The following TCF20 variants were observed in gnomAD, a reference collection of about 807,000 sequenced individuals.
TCF20 encodes transcription factor 20, also known as SPRE-binding protein.
TCF20 carries 3 observed loss-of-function variants against 148.6 expected under a neutral mutation model. The observed-to-expected ratio is 0.02, with a 90% CI of 0.01 to 0.05. TCF20 has a LOEUF of 0.05. TCF20 is among the 10% of genes least tolerant of loss of function. The pLI is 1.00. For missense variants in TCF20, 2,350 were observed against 2,429.3 expected (o/e 0.97, Z 0.69); for synonymous variants, 1,049 against 909.5 (o/e 1.15, Z -2.76).
chr22:42,240,642 G>A (rs1341114501), intron 1 of TCF20, among the ~76,000 whole-genome samples: 1 of 152,144 alleles, frequency 6.6e-6, no homozygotes, highest in Non-Finnish European at 1.5e-5. Context: ...TTTGCCAGTG[G>A]AGGCCCAGAA....
intron 1 of TCF20, among the ~76,000 whole-genome samples, chr22:42,268,227 T>C (rs987404283): frequency 6.6e-6 from 1 of 152,190 alleles, no homozygotes; most frequent in Non-Finnish European, 1.5e-5. Context: ...GAAAGACATA[T>C]TGTAACATAT....
intron 1 of TCF20, among the ~76,000 whole-genome samples, chr22:42,283,796 A>G (rs1926967040): frequency 1.3e-5 from 2 of 151,776 alleles, no homozygotes; most frequent in African/African-American, 2.4e-5. Context: ...AACTTTCACG[A>G]CCGCGGGAGA....
chr22:42,337,369 T>G (rs1020822429), intron 1 of TCF20, among the ~76,000 whole-genome samples: 3 of 152,038 alleles, frequency 2.0e-5, no homozygotes, highest in African/African-American at 7.2e-5. Flanking sequence ...TGCTCACCCT[T>G]GCATTCACAG....
intron 1 of TCF20, among the ~76,000 whole-genome samples, chr22:42,268,305 ATACT>A (rs1261661791): frequency 2.6e-5 from 4 of 152,250 alleles, no homozygotes; most frequent in African/African-American, 4.8e-5. Context: ...TGGTATAGAA[ATACT>A]TACCAGTCAA....
chr22:42,223,429 T>C (rs1922565185), intron 1 of TCF20, among the ~76,000 whole-genome samples: 1 of 152,184 alleles, frequency 6.6e-6, no homozygotes, highest in African/African-American at 2.4e-5. Context: ...TGACACACAC[T>C]TGGGTCAGAT....
At chr22:42,198,482 A>G (rs371159437) in intron 2 of TCF20, among the ~76,000 whole-genome samples, 1 of 152,334 alleles carries the variant, frequency 6.6e-6, no homozygotes, top group African/African-American at 2.4e-5. Flanking sequence ...TATATAAAAT[A>G]GCACAGTATT....
chr22:42,177,011 C>T (rs1483301299), intron 3 of TCF20, among the ~76,000 whole-genome samples: 1 of 152,186 alleles, frequency 6.6e-6, no homozygotes, highest in Non-Finnish European at 1.5e-5. Flanking sequence ...GTTCCCAACA[C>T]AGACATGTTG....
chr22:42,262,386 A>T (rs555734340), intron 1 of TCF20, among the ~76,000 whole-genome samples: 2 of 152,260 alleles, frequency 1.3e-5, no homozygotes, highest in Non-Finnish European at 2.9e-5. Context: ...GTGAGAGAAA[A>T]GGAGGAATCT....
chr22:42,313,626 GTC>G (rs1927576553), intron 1 of TCF20, among the ~76,000 whole-genome samples: 1 of 133,012 alleles, frequency 7.5e-6, no homozygotes, highest in Non-Finnish European at 1.5e-5. Context: ...TTGAGACAGA[GTC>G]TCGCTTTGTC....
chr22:42,297,786 G>A lies in TCF20; in HGVS notation c.-37+45693C>T, dbSNP rs1927262673. Reference sequence around the variant, plus strand: ...TCGGGTCGCATCCCCCCACCAGCTGGGGCCCCTGTCAGGCAGGGCCCAGCA... The same window carrying A: ...TCGGGTCGCATCCCCCCACCAGCTGAGGCCCCTGTCAGGCAGGGCCCAGCA... On this transcript the variant is annotated intron_variant, in intron 1 of 1. Transcript: ENST00000515426. The surrounding 1 kb of genome is among the most constrained non-coding windows in gnomAD (Gnocchi z 4.3). 1.3e-5 allele frequency among the ~76,000 whole-genome samples: 2 copies of A among 152,124 alleles called. No homozygotes were observed. Among genetic ancestry groups the A allele is most frequent in the South Asian group, 4.1e-4 (2 of 4,822 alleles).
chr22:42,270,872 T>C (rs1926589270), upstream of TCF20, among the ~76,000 whole-genome samples: 1 of 150,204 alleles, frequency 6.7e-6, no homozygotes, highest in Non-Finnish European at 1.5e-5. Flanking sequence ...TCGCACGGGG[T>C]TCTCCTCTGC....
At chr22:42,331,359 G>A (rs1377669762) in intron 1 of TCF20, among the ~76,000 whole-genome samples, 4 of 152,178 alleles carry the variant, frequency 2.6e-5, no homozygotes, top group African/African-American at 9.7e-5. Flanking sequence ...CTGAGATCTC[G>A]TGAGCCTCAG....
Position 42,214,854 on chromosome 22 carries a change from T to C in TCF20, c.452A>G (p.His151Arg). ...AGGCCCAGTGTAATCCTGCTGATAA[T>C]GTGACACACCGCCAAGGCCAGAGTG... ...AQHSGLGGVS[H>R]YQQDYTGPFS... is the part of the protein sequence containing the mutation. Residue 151 changes from histidine (H) to arginine (R), a missense_variant, in exon 2 of 6, where the codon CAT becomes CGT. Transcript: ENST00000677622. 4.3e-6 allele frequency: 7 copies of C among 1,614,126 alleles called. No individual in the cohort carries two copies. Among genetic ancestry groups the C allele is most frequent in the Non-Finnish European group, 5.9e-6 (7 of 1,180,026 alleles).
In TCF20 at chr22:42,211,729, G is replaced by A. The variant is rs367933043; in HGVS notation, c.3577C>T (p.Arg1193Trp). 1.2e-5 allele frequency: 20 copies of A among 1,614,054 alleles called. No homozygotes were observed. The highest frequency in any genetic ancestry group is 1.5e-5 in the Non-Finnish European group (18 of 1,180,042). Residue 1193 changes from arginine to tryptophan, a missense_variant, in exon 2 of 6, where the codon CGG becomes TGG. Arg to Trp is a moderately radical substitution (Grantham distance 101). Around this residue, in one of 7 missense-constraint regions of TCF20, gnomAD observed 1,641 missense variants for 1,662.6 expected, o/e 0.99. Coordinates refer to ENST00000677622, the MANE Select transcript of TCF20 (RefSeq NM_001378418.1). ...KLQESCWDLS[R>W]QTSPAKSSGP... is the part of the protein sequence containing the mutation. ...CTGCTTTTGGCTGGAGAAGTTTGCC[G>A]AGAAAGATCCCAACAGGATTCTTGT...
chr22:42,269,508 G>A (rs907092727), intron 1 of TCF20, among the ~76,000 whole-genome samples: 20 of 152,306 alleles, frequency 1.3e-4, no homozygotes, highest in Admixed American at 1.3e-3. Context: ...GGCGTCCAGA[G>A]GACAGTGCAC....
chr22:42,161,265 G>A lies in TCF20; in HGVS notation c.*138C>T, dbSNP rs1935437744. ...GCTGGCATGGGCAGGCACGCGGGCG[G>A]GGCGGGGCGGGGCAGGGCAGGGTGT... On this transcript the variant is annotated 3_prime_UTR_variant, in exon 6 of 6. Transcript: ENST00000677622. 6.3e-7 allele frequency: 1 copy of A among 1,591,158 alleles called. No homozygotes were observed. Among genetic ancestry groups the A allele is most frequent in the East Asian group, 2.2e-5 (1 of 44,686 alleles).
chr22:42,196,915 C>A (rs995276981), intron 2 of TCF20, among the ~76,000 whole-genome samples: 2 of 152,292 alleles, frequency 1.3e-5, no homozygotes, highest in East Asian at 1.9e-4. Flanking sequence ...TGTCTATCTG[C>A]CTGTGTAGCA....
intron 1 of TCF20, among the ~76,000 whole-genome samples, chr22:42,321,115 G>A (rs1357688462): frequency 6.6e-6 from 1 of 152,276 alleles, no homozygotes; most frequent in Admixed American, 6.5e-5. Context: ...CAATTCAGGA[G>A]CAAGGGCTGG....
At chr22:42,231,776 A>T (rs1260286575) in intron 1 of TCF20, among the ~76,000 whole-genome samples, 2 of 151,996 alleles carry the variant, frequency 1.3e-5, no homozygotes, top group Non-Finnish European at 2.9e-5. Context: ...AAAAATACAA[A>T]AAATTAGCCA....
Sources: allele counts gnomAD v4.1 joint callset (sites outside exome capture counted in the v4.1 genomes callset), GRCh38; gene constraint gnomAD v4.1.1; regional missense constraint gnomAD v4.1.1; non-coding constraint Gnocchi (gnomAD v3.1); transcripts MANE v1.5; gene names NCBI Gene and HGNC (gene_info 2026-07-23, HGNC 2026-07-21).